Variants in ROBO2 observed in about 807,000 individuals in gnomAD.
The protein encoded by ROBO2 is roundabout guidance receptor 2, also known as roundabout homolog 2.
A neutral mutation model predicts 160.8 loss-of-function variants in ROBO2; 53 were observed. The ratio of observed to expected loss-of-function variants is 0.33; its 90% confidence interval spans 0.26 to 0.41. The LOEUF is 0.41. Among genes scored for constraint, ROBO2 ranks in the 10% least tolerant of loss-of-function variants. The pLI is 1.00. For missense variants in ROBO2, 1,577 were observed against 1,722.4 expected (o/e 0.92, Z 1.49); for synonymous variants, 664 against 611.7 (o/e 1.09, Z -1.26).
At chr3:75,911,556 T>TTC (rs1946584283) in intron 1 of ROBO2, among the ~76,000 whole-genome samples, 1 of 126,184 alleles carries the variant, frequency 7.9e-6, no homozygotes, top group Non-Finnish European at 1.7e-5. Context: ...TTGTTTCTTT[T>TTC]TTTTTTTTTT....
At chr3:77,430,691 C>G (rs1359428279) in intron 2 of ROBO2, among the ~76,000 whole-genome samples, 1 of 152,132 alleles carries the variant, frequency 6.6e-6, no homozygotes, top group Non-Finnish European at 1.5e-5. Context: ...GAACCATGCC[C>G]TCACCAGACA....
intron 2 of ROBO2, among the ~76,000 whole-genome samples, chr3:76,647,176 T>A (rs557655044): frequency 1.3e-5 from 2 of 152,240 alleles, no homozygotes; most frequent in African/African-American, 4.8e-5. Flanking sequence ...CCGTGGTGGG[T>A]GAGCTACAAG....
At chr3:77,561,053 G>A (rs895875363) in intron 9 of ROBO2, among the ~76,000 whole-genome samples, 1 of 152,086 alleles carries the variant, frequency 6.6e-6, no homozygotes, top group African/African-American at 2.4e-5. Flanking sequence ...CTGTGTAATA[G>A]AAGACAATTG....
chr3:76,666,267 A>T (rs2092042617), intron 2 of ROBO2, among the ~76,000 whole-genome samples: 1 of 151,918 alleles, frequency 6.6e-6, no homozygotes, highest in African/African-American at 2.4e-5. Flanking sequence ...ATTTTTCAGC[A>T]TACCAACTTT....
chr3:76,628,341 C>T (rs1015914857), intron 2 of ROBO2, among the ~76,000 whole-genome samples: 11 of 151,972 alleles, frequency 7.2e-5, no homozygotes, highest in Non-Finnish European at 1.0e-4. Flanking sequence ...CCCCAAACTC[C>T]GCAACCCCAA....
chr3:76,027,480 T>G (rs1012333872), intron 2 of ROBO2, among the ~76,000 whole-genome samples: 1 of 151,874 alleles, frequency 6.6e-6, no homozygotes, highest in Non-Finnish European at 1.5e-5. Flanking sequence ...CTTATGACCC[T>G]CTTTCCTAAA....
intron 2 of ROBO2, among the ~76,000 whole-genome samples, chr3:76,704,429 C>T (rs970363162): frequency 1.3e-5 from 2 of 152,150 alleles, no homozygotes; most frequent in South Asian, 2.1e-4. Flanking sequence ...TGGGTTATCG[C>T]TGGAGGACAA....
At chr3:76,804,598 A>G (rs949926844) in intron 2 of ROBO2, among the ~76,000 whole-genome samples, 2 of 152,212 alleles carry the variant, frequency 1.3e-5, no homozygotes, top group African/African-American at 4.8e-5. Flanking sequence ...GAGAGCAGAC[A>G]GTCCCTAAAT....
intron 1 of ROBO2, among the ~76,000 whole-genome samples, chr3:77,080,795 T>C (rs2068574563): frequency 6.6e-6 from 1 of 152,186 alleles, no homozygotes; most frequent in Admixed American, 6.6e-5. Context: ...CATTTGCTCG[T>C]GTGTTTCTCT....
chr3:75,975,549 C>CT (rs921333340), intron 2 of ROBO2, among the ~76,000 whole-genome samples: 1 of 151,184 alleles, frequency 6.6e-6, no homozygotes, highest in Non-Finnish European at 1.5e-5. Flanking sequence ...TCAGACAACT[C>CT]TTTTTTTCCC....
chr3:76,023,846 T>C (rs547760829), intron 2 of ROBO2, among the ~76,000 whole-genome samples: 2 of 151,564 alleles, frequency 1.3e-5, no homozygotes, highest in East Asian at 3.9e-4. Flanking sequence ...AAAAACACAG[T>C]ATCTACAAGA....
intron 2 of ROBO2, among the ~76,000 whole-genome samples, chr3:76,418,881 T>C (rs1450806181): frequency 1.3e-5 from 2 of 152,198 alleles, no homozygotes; most frequent in Non-Finnish European, 2.9e-5. Flanking sequence ...GAAAAAAAAT[T>C]AGTAAACTAG....
chr3:77,514,986 G>A (rs1432400111), intron 5 of ROBO2, among the ~76,000 whole-genome samples: 1 of 151,658 alleles, frequency 6.6e-6, no homozygotes. Context: ...CTCCATATGT[G>A]GTTTTGGGAA....
At chr3:76,732,093 A>G (rs1461104811) in intron 2 of ROBO2, among the ~76,000 whole-genome samples, 1 of 152,188 alleles carries the variant, frequency 6.6e-6, no homozygotes, top group Non-Finnish European at 1.5e-5. Context: ...ATTAGTAGAA[A>G]CTGGAAGGAA....
intron 2 of ROBO2, among the ~76,000 whole-genome samples, chr3:76,969,659 T>C (rs1220059086): frequency 6.6e-6 from 1 of 152,202 alleles, no homozygotes; most frequent in Non-Finnish European, 1.5e-5. Flanking sequence ...GCTTTCCCTT[T>C]ATGTCTGCCT....
chr3:77,009,088 A>G (rs1340352272), intron 2 of ROBO2, among the ~76,000 whole-genome samples: 1 of 152,196 alleles, frequency 6.6e-6, no homozygotes, highest in Non-Finnish European at 1.5e-5. Flanking sequence ...AAATAAATTA[A>G]TACTTACTTA....
intron 5 of ROBO2, among the ~76,000 whole-genome samples, chr3:77,506,332 G>A (rs1299800806): frequency 6.6e-6 from 1 of 152,012 alleles, no homozygotes; most frequent in Non-Finnish European, 1.5e-5. Flanking sequence ...GTGCACACTT[G>A]GAACAACTTT....
intron 2 of ROBO2, among the ~76,000 whole-genome samples, chr3:76,902,766 A>G (rs1179078395): frequency 6.6e-6 from 1 of 152,012 alleles, no homozygotes; most frequent in African/African-American, 2.4e-5. Context: ...AGAATTTTAT[A>G]AAAGTTTATT....
chr3:77,111,854 T>A (rs1455783274), intron 2 of ROBO2, among the ~76,000 whole-genome samples: 1 of 152,144 alleles, frequency 6.6e-6, no homozygotes, highest in African/African-American at 2.4e-5. Flanking sequence ...AAATTATGCA[T>A]GGATTATTGT....
Sources: allele counts gnomAD v4.1 joint callset (sites outside exome capture counted in the v4.1 genomes callset), GRCh38; gene constraint gnomAD v4.1.1; transcripts MANE v1.5; gene names NCBI Gene and HGNC (gene_info 2026-07-23, HGNC 2026-07-21).